CPNE4: variants seen among roughly 807,000 people sequenced by gnomAD.
CPNE4 encodes copine 4, also known as copine-4.
Under a neutral mutation model 67.9 loss-of-function variants are expected in CPNE4, and 25 were observed. The ratio of observed to expected loss-of-function variants is 0.37; its 90% confidence interval spans 0.27 to 0.51. The LOEUF (loss-of-function observed/expected upper bound fraction) is 0.51. Ranked by LOEUF, CPNE4 falls within the 20% of genes least tolerant of loss-of-function variation. The probability of loss-of-function intolerance (pLI) is 0.93; values close to 1 mark genes in which losing one functional copy is unlikely to be tolerated. For synonymous variants in CPNE4, 242 were observed against 244.9 expected (o/e 0.99, Z 0.11); for missense variants, 464 against 690.8 (o/e 0.67, Z 3.68).
chr3:131,887,133 C>T (rs9811176), intron 2 of CPNE4, among the ~76,000 whole-genome samples: 43,838 of 152,064 alleles, frequency 0.29, 7,394 homozygotes, highest in Non-Finnish European at 0.37. Context: ...GTGGGAGGGA[C>T]CCAGTGGGAG....
chr3:131,577,357 G>A (rs1937577317), intron 9 of CPNE4, among the ~76,000 whole-genome samples: 1 of 151,982 alleles, frequency 6.6e-6, no homozygotes, highest in Admixed American at 6.6e-5. Context: ...TACATTCTGA[G>A]AAATACACTG....
intron 2 of CPNE4, among the ~76,000 whole-genome samples, chr3:131,893,542 T>A (rs1303414174): frequency 1.3e-5 from 2 of 152,016 alleles, no homozygotes; most frequent in Non-Finnish European, 2.9e-5. Context: ...CAAATTCACA[T>A]GGAATGTTCT....
At chr3:131,903,779 A>C (rs1224359776) in intron 2 of CPNE4, among the ~76,000 whole-genome samples, 1 of 152,116 alleles carries the variant, frequency 6.6e-6, no homozygotes, top group Non-Finnish European at 1.5e-5. Context: ...TACCCAGTAA[A>C]GTTTAGGTCA....
At chr3:131,597,730 C>T (rs1043013424) in intron 7 of CPNE4, among the ~76,000 whole-genome samples, 1 of 152,190 alleles carries the variant, frequency 6.6e-6, no homozygotes, top group African/African-American at 2.4e-5. Flanking sequence ...CAAATTTCTC[C>T]TGGCTCCTTA....
At chr3:131,770,503 G>T (rs2083139025) in intron 2 of CPNE4, among the ~76,000 whole-genome samples, 2 of 152,226 alleles carry the variant, frequency 1.3e-5, no homozygotes, top group Non-Finnish European at 2.9e-5. Flanking sequence ...ATCAGAGATA[G>T]GTGGAGCTAG....
chr3:131,717,910 C>CT (rs1298086887), intron 3 of CPNE4, among the ~76,000 whole-genome samples: 3 of 136,540 alleles, frequency 2.2e-5, no homozygotes, highest in Admixed American at 7.4e-5. Context: ...TTCTTTCTTT[C>CT]TTTCTTTCTT....
intron 1 of CPNE4, among the ~76,000 whole-genome samples, chr3:131,930,085 T>C (rs189951555): frequency 2.0e-5 from 3 of 152,228 alleles, no homozygotes; most frequent in African/African-American, 7.2e-5. Context: ...ATTCAATAGA[T>C]AGTCATGTTA....
At chr3:131,935,100 G>A (rs2071183695) in intron 1 of CPNE4, among the ~76,000 whole-genome samples, 1 of 152,162 alleles carries the variant, frequency 6.6e-6, no homozygotes, top group South Asian at 2.1e-4. Flanking sequence ...GGGCCCAGAT[G>A]TTTGTTGGTG....
chr3:132,033,248 G>A (rs1319510874), intron 1 of CPNE4, among the ~76,000 whole-genome samples: 2 of 152,216 alleles, frequency 1.3e-5, no homozygotes, highest in African/African-American at 2.4e-5. Context: ...AGTGAGCCAA[G>A]AAAAACCAGA....
intron 1 of CPNE4, among the ~76,000 whole-genome samples, chr3:131,952,435 G>T (rs200021229): frequency 6.9e-6 from 1 of 144,986 alleles, no homozygotes; most frequent in Admixed American, 7.2e-5. Context: ...AGTGAGGAGC[G>T]TCTCCGCCCA....
chr3:131,634,520 G>A lies in CPNE4; in HGVS notation c.681+35155C>T, dbSNP rs545389401. Among the ~76,000 whole-genome samples the A allele has an allele frequency of 5.3e-5, 8 of 152,214 alleles. No homozygotes were observed. In the South Asian group the frequency reaches 1.7e-3, roughly 32 times the overall value. On this transcript the variant is annotated intron_variant, in intron 7 of 15. Transcript: ENST00000429747. ...CAATTAAACCTAGGTCTCCAGTTTA[G>A]AGGCCAGTAATATCCAGTAACTTCA...
Position 132,034,792 on chromosome 3 carries a change from T to A in CPNE4, c.-227A>T, listed in dbSNP as rs1433691105. ...CAGAGTTCGGTCTCTCCGGAAACCCTGACTCCATTCTCGGTGATGGGGGTG... is the reference window on the plus strand; with the variant it reads ...CAGAGTTCGGTCTCTCCGGAAACCCAGACTCCATTCTCGGTGATGGGGGTG... On this transcript the variant is annotated 5_prime_UTR_variant, in exon 1 of 16. Transcript: ENST00000429747. 9 of 984,948 alleles carry A rather than the reference T, an allele frequency of 9.1e-6. No individual in the cohort carries two copies. The South Asian group carries it at 4.2e-4, about 46-fold the overall frequency. 61.0% of individuals were successfully genotyped at this position (984,948 alleles called of 1,614,324 possible).
chr3:131,926,093 A>G (rs1225052), intron 1 of CPNE4, among the ~76,000 whole-genome samples: 57,274 of 152,044 alleles, frequency 0.38, 10,958 homozygotes, highest in African/African-American at 0.43. Flanking sequence ...GTAAGTAATA[A>G]GATGGCCAAC....
At chr3:131,885,711 C>A (rs1018178530) in intron 2 of CPNE4, among the ~76,000 whole-genome samples, 1 of 152,082 alleles carries the variant, frequency 6.6e-6, no homozygotes, top group South Asian at 2.1e-4. Flanking sequence ...CCACAACAGT[C>A]CCCACAGTGT....
Position 131,549,934 on chromosome 3 carries a change from GC to G in CPNE4, c.1302+12del, listed in dbSNP as rs764121888. ...GTAAGCTCCCCTTAGGAGGCAAATAGCCCCCTCCTTACCGATGCCTCCTTGG... is the reference window on the plus strand; with the variant it reads ...GTAAGCTCCCCTTAGGAGGCAAATAGCCCCTCCTTACCGATGCCTCCTTGG... On this transcript the variant is annotated intron_variant, in intron 14 of 15. Transcript: ENST00000429747. The G allele has an allele frequency of 7.4e-6, 12 of 1,612,586 alleles. No homozygotes were observed. The highest frequency in any genetic ancestry group is 1.0e-5 in the Non-Finnish European group (12 of 1,179,066).
At chr3:131,801,407 C>CCACATGTAT in intron 2 of CPNE4, among the ~76,000 whole-genome samples, 1 of 46,964 alleles carries the variant, frequency 2.1e-5, no homozygotes, top group African/African-American at 6.9e-5. Context: ...TATATAGGTA[C>CCACATGTAT]ATATATACGT....
intron 1 of CPNE4, among the ~76,000 whole-genome samples, chr3:131,997,025 T>C (rs534978291): frequency 1.3e-4 from 20 of 152,170 alleles, no homozygotes; most frequent in African/African-American, 4.6e-4. Context: ...GCCATATAAA[T>C]GCTAGCACTT....
chr3:131,784,860 T>TA (rs1172550679), intron 2 of CPNE4, among the ~76,000 whole-genome samples: 5 of 152,130 alleles, frequency 3.3e-5, no homozygotes, highest in African/African-American at 9.7e-5. Context: ...TCAAGTTAAT[T>TA]AAAAAATGGA....
At chr3:131,864,613 T>C (rs745873836) in intron 2 of CPNE4, among the ~76,000 whole-genome samples, 5 of 130,726 alleles carry the variant, frequency 3.8e-5, no homozygotes, top group Admixed American at 2.5e-4. Flanking sequence ...TGGGCTGAGA[T>C]GATGGGGTTT....
Sources: gnomAD v4.1 joint callset for allele counts (sites outside exome capture counted in the v4.1 genomes callset) on GRCh38, gnomAD v4.1.1 for gene constraint, MANE v1.5 for transcripts, NCBI Gene and HGNC (gene_info 2026-07-23, HGNC 2026-07-21) for gene names.